The following TTC1 variants were observed in gnomAD, a reference collection of about 807,000 sequenced individuals.
The protein encoded by TTC1 is tetratricopeptide repeat domain 1.
In TTC1, 31 loss-of-function variants were observed where a neutral mutation model predicts 37.6. The ratio of observed to expected loss-of-function variants is 0.82; its 90% CI spans 0.62 to 1.11. The LOEUF is 1.11. TTC1 is among the 50% of genes most tolerant of loss of function. TTC1 has a pLI of 0.00. For synonymous variants in TTC1, 127 were observed against 122.4 expected, an observed-to-expected ratio of 1.04 and a Z score of -0.25; for missense variants, 351 against 339.0, an observed-to-expected ratio of 1.04 and a Z score of -0.28.
chr5:160,013,128 CTTA>C (rs1756529681), intron 2 of TTC1, among the ~76,000 whole-genome samples: 2 of 152,102 alleles, frequency 1.3e-5, no homozygotes, highest in Non-Finnish European at 2.9e-5. Context: ...CAGTGCTAGT[CTTA>C]TTATTTAGAG....
At chr5:160,027,020 CTTTT>C (rs1007222902) in intron 2 of TTC1, among the ~76,000 whole-genome samples, 1 of 141,928 alleles carries the variant, frequency 7.0e-6, no homozygotes, top group African/African-American at 2.6e-5. Context: ...TTTCGGGATT[CTTTT>C]TTTTTTTTCT....
chr5:160,059,728 C>T (rs1009908480), intron 7 of TTC1, among the ~76,000 whole-genome samples: 3 of 152,192 alleles, frequency 2.0e-5, no homozygotes, highest in African/African-American at 7.2e-5. Context: ...CTGTCTTATG[C>T]GGGTGCAGTT....
In TTC1 at chr5:160,010,616, G is replaced by A; in HGVS notation, c.88G>A (p.Gly30Ser). 1 of 1,614,120 alleles carries A rather than the reference G, an allele frequency of 6.2e-7. No individual in the cohort carries two copies. Residue 30 changes from glycine (G) to serine (S), a missense_variant, in exon 2 of 8, where the codon GGC (glycine) becomes AGC (serine). Coordinates refer to ENST00000231238, the MANE Select transcript of TTC1 (RefSeq NM_003314.3). Reference protein sequence around the residue: ...VTDTQEAECAGPPVPDPKNQH... With the variant: ...VTDTQEAECASPPVPDPKNQH... ...AGATACTCAGGAAGCCGAGTGTGCT[G>A]GCCCTCCAGTTCCTGATCCCAAAAA... is the stretch of plus-strand genomic sequence containing the variant.
intron 5 of TTC1, 58 bp from the exon 6 acceptor site, chr5:160,049,456 C>A: frequency 6.9e-7 from 1 of 1,439,862 alleles, no homozygotes; most frequent in Non-Finnish European, 9.3e-7. Context: ...TCTGATATAG[C>A]CAAAGATATG....
At chr5:160,056,956 A>G (rs1346109945) in intron 7 of TTC1, among the ~76,000 whole-genome samples, 4 of 151,950 alleles carry the variant, frequency 2.6e-5, no homozygotes, top group Non-Finnish European at 4.4e-5. Context: ...GAAGCCATAC[A>G]TGTAGGTACA....
intron 4 of TTC1, among the ~76,000 whole-genome samples, chr5:160,038,586 G>C (rs775872505): frequency 1.3e-5 from 2 of 151,846 alleles, no homozygotes; most frequent in Non-Finnish European, 2.9e-5. Flanking sequence ...TCAAAAGAGC[G>C]TTGCTCTATG....
chr5:160,016,573 A>G (rs1756609945), intron 2 of TTC1, among the ~76,000 whole-genome samples: 1 of 152,184 alleles, frequency 6.6e-6, no homozygotes, highest in Non-Finnish European at 1.5e-5. Context: ...GCAGTAAGTA[A>G]CTTTGAGAGG....
intron 4 of TTC1, among the ~76,000 whole-genome samples, chr5:160,037,458 G>A (rs773145211): frequency 7.9e-5 from 12 of 152,282 alleles, no homozygotes; most frequent in Admixed American, 5.2e-4. Flanking sequence ...GCTCACACCC[G>A]TAAACCCAGC....
intron 4 of TTC1, chr5:160,039,251 A>C (rs1364673860): frequency 1.3e-5 from 2 of 151,476 alleles, no homozygotes; most frequent in Non-Finnish European, 2.9e-5. Context: ...CTAGCTATAC[A>C]AGAGCAGAGC....
Position 160,036,711 on chromosome 5 carries a change from T to C in TTC1, c.412T>C (p.Ser138Pro). ...CTCAGATTATATAGAAGCTGAAAGT[T>C]CTTATAGTCGAGCCCTCGAAATGTG... ...KKGDYIEAES[S>P]YSRALEMCPS... Residue 138 changes from serine (S) to proline (P), a missense_variant, in exon 4 of 8, where the codon TCT becomes CCT. Coordinates refer to ENST00000231238, the MANE Select transcript of TTC1 (RefSeq NM_003314.3). 1 of 1,613,592 alleles carries C rather than the reference T, an allele frequency of 6.2e-7. No individual in the cohort carries two copies. Among genetic ancestry groups the C allele is most frequent in the Non-Finnish European group, 8.5e-7 (1 of 1,179,578 alleles).
At chr5:160,047,095 AT>A (rs1736402038) in intron 5 of TTC1, among the ~76,000 whole-genome samples, 1 of 152,208 alleles carries the variant, frequency 6.6e-6, no homozygotes, top group African/African-American at 2.4e-5. Flanking sequence ...AAATTCATGA[AT>A]TTTAAAATAT....
At chr5:160,059,288 C>G (rs1757632979) in intron 7 of TTC1, among the ~76,000 whole-genome samples, 1 of 152,236 alleles carries the variant, frequency 6.6e-6, no homozygotes, top group African/African-American at 2.4e-5. Context: ...TCTATGTCAG[C>G]CTTTGCTGCT....
intron 7 of TTC1, among the ~76,000 whole-genome samples, chr5:160,061,159 T>G (rs1453857161): frequency 6.6e-6 from 1 of 152,254 alleles, no homozygotes; most frequent in African/African-American, 2.4e-5. Context: ...ACAGCTCGCC[T>G]GCCTATCTCT....
Position 160,065,505 on chromosome 5 carries a change from C to G in TTC1, c.*440C>G. ...GCTAACGAGGCTGCCTCCAGCATTT[C>G]CTGATTTCCTCTGTGGTAATAAAAG... On this transcript the variant is annotated 3_prime_UTR_variant, in exon 8 of 8. Coordinates refer to ENST00000231238, the MANE Select transcript of TTC1 (RefSeq NM_003314.3). 3 of 427,788 alleles carry G rather than the reference C, an allele frequency of 7.0e-6. No individual in the cohort carries two copies. The East Asian group carries it at 2.1e-4, about 30-fold the overall frequency. 26.5% of individuals were successfully genotyped at this position (427,788 alleles called of 1,614,324 possible). A position where few individuals can be genotyped will look rare whatever the true frequency, so the allele number is the denominator to read the frequency against.
At chr5:160,046,555 A>G (rs1027028737) in intron 5 of TTC1, among the ~76,000 whole-genome samples, 1 of 152,128 alleles carries the variant, frequency 6.6e-6, no homozygotes, top group South Asian at 2.1e-4. Flanking sequence ...AATACTATCT[A>G]TAAATTAGCA....
At chr5:160,024,510 T>G (rs1441126973) in intron 2 of TTC1, among the ~76,000 whole-genome samples, 1 of 152,126 alleles carries the variant, frequency 6.6e-6, no homozygotes, top group Non-Finnish European at 1.5e-5. Flanking sequence ...GACAGTTCCT[T>G]TATCTTTTTT....
intron 4 of TTC1, 125 bp from the exon 5 acceptor site, chr5:160,043,008 T>C: frequency 1.0e-6 from 1 of 993,326 alleles, no homozygotes; most frequent in African/African-American, 1.6e-5. Flanking sequence ...GGTTTTTACG[T>C]AATTTCTTTG....
intron 2 of TTC1, among the ~76,000 whole-genome samples, chr5:160,028,014 C>T (rs555517232): frequency 5.6e-4 from 85 of 152,184 alleles, no homozygotes; most frequent in African/African-American, 2.0e-3. Context: ...AAGTTATCAG[C>T]CTTGGCCGGG....
chr5:160,033,109 A>G (rs1044580020), intron 2 of TTC1, among the ~76,000 whole-genome samples: 6 of 152,016 alleles, frequency 3.9e-5, no homozygotes, highest in Non-Finnish European at 5.9e-5. Flanking sequence ...CCTGCCCCCT[A>G]AAGTTTTTTG....
Sources: allele counts gnomAD v4.1 joint callset (sites outside exome capture counted in the v4.1 genomes callset), GRCh38; gene constraint gnomAD v4.1.1; transcripts MANE v1.5; gene names NCBI Gene and HGNC (gene_info 2026-07-23, HGNC 2026-07-21).